The following NBEAL1 variants were observed in gnomAD, a reference collection of about 807,000 sequenced individuals.
NBEAL1 encodes the protein neurobeachin-like protein 1.
A neutral mutation model predicts 351.3 loss-of-function variants in NBEAL1; 273 were observed. That is an observed-to-expected ratio of 0.78 (90% CI 0.70 to 0.86). The LOEUF is 0.86. Among genes scored for constraint, NBEAL1 ranks in the 40% least tolerant of loss-of-function variants. The probability of loss-of-function intolerance (pLI) is 0.00; values close to 1 mark genes in which losing one functional copy is unlikely to be tolerated. For missense variants in NBEAL1, 2,961 were observed against 3,201.3 expected, an observed-to-expected ratio of 0.92 and a Z score of 1.81; for synonymous variants, 1,050 against 1,086.4, an observed-to-expected ratio of 0.97 and a Z score of 0.66.
intron 35 of NBEAL1, 77 bp downstream of exon 35, chr2:203,151,666 GT>G: frequency 7.5e-7 from 1 of 1,336,776 alleles, no homozygotes; most frequent in Non-Finnish European, 9.9e-7. Context: ...TTATTTTATT[GT>G]TTTAAATGTG....
chr2:203,078,681 G>C (rs893255535), intron 8 of NBEAL1, among the ~76,000 whole-genome samples: 2 of 152,110 alleles, frequency 1.3e-5, no homozygotes, highest in African/African-American at 4.8e-5. Flanking sequence ...TTGACGAAAG[G>C]ATTATAGTTC....
chr2:203,076,741 G>A lies in NBEAL1; in HGVS notation c.599-1011G>A, dbSNP rs987635997. On this transcript the variant is annotated intron_variant, in intron 7 of 55. Transcript: ENST00000683969. ...CGAGTAGCTGGGATTACAGGTGCCC[G>A]CCACCACACCTGGCTAATTTTTGCA... Among the ~76,000 whole-genome samples, 10 of 151,642 alleles carry A rather than the reference G, an allele frequency of 6.6e-5. No individual in the cohort carries two copies. The South Asian group carries it at 1.5e-3, about 22-fold the overall frequency.
chr2:203,194,788 T>C (rs2065189198), intron 47 of NBEAL1, among the ~76,000 whole-genome samples: 1 of 152,224 alleles, frequency 6.6e-6, no homozygotes, highest in African/African-American at 2.4e-5. Flanking sequence ...TGTAAAACCC[T>C]GCATTGCAAT....
In NBEAL1 at chr2:203,219,000, G is replaced by A. The variant is rs2105866132; in HGVS notation, c.*1646G>A. 6.6e-6 allele frequency: 1 copy of A among 152,270 alleles called. No homozygotes were observed. Among genetic ancestry groups the A allele is most frequent in the Admixed American group, 6.5e-5 (1 of 15,276 alleles). The allele number at this position is 152,270 out of a possible 1,614,324, so 9.4% of individuals were successfully genotyped here. On this transcript the variant is annotated 3_prime_UTR_variant, in exon 56 of 56. Transcript: ENST00000683969. ...TCTTTTCTTAAGACTTCAGGAATTTGTATTGAACAAAGTCTCAAGTTAAGT... is the reference window on the plus strand; with the variant it reads ...TCTTTTCTTAAGACTTCAGGAATTTATATTGAACAAAGTCTCAAGTTAAGT...
intron 31 of NBEAL1, 48 bp downstream of exon 31, chr2:203,138,796 G>A (rs369973153): frequency 6.6e-7 from 1 of 1,524,256 alleles, no homozygotes; most frequent in Non-Finnish European, 8.8e-7. Flanking sequence ...TGCAGCATAG[G>A]TATTATTTAT....
intron 39 of NBEAL1, among the ~76,000 whole-genome samples, chr2:203,171,118 C>T (rs914702167): frequency 2.6e-5 from 4 of 151,936 alleles, no homozygotes; most frequent in Middle Eastern, 3.4e-3. Flanking sequence ...ATTAGCTGGG[C>T]ATGGTGGTGG....
chr2:203,205,124 A>G (rs773942324), intron 51 of NBEAL1, among the ~76,000 whole-genome samples: 73 of 152,154 alleles, frequency 4.8e-4, no homozygotes, highest in Non-Finnish European at 9.3e-4. Context: ...GTTTGCTGTT[A>G]GGTTTCACTA....
intron 8 of NBEAL1, among the ~76,000 whole-genome samples, chr2:203,082,126 A>G (rs778928339): frequency 6.6e-6 from 1 of 152,182 alleles, no homozygotes; most frequent in Non-Finnish European, 1.5e-5. Context: ...TGAAAAGCTG[A>G]CACTCCCTGT....
intron 2 of NBEAL1, among the ~76,000 whole-genome samples, chr2:203,029,807 T>C (rs1038751172): frequency 1.3e-5 from 2 of 152,246 alleles, no homozygotes; most frequent in African/African-American, 4.8e-5. Flanking sequence ...ATTACAATAT[T>C]ACTACTTTTG....
At chr2:203,016,748 T>C (rs1323550037) in intron 2 of NBEAL1, among the ~76,000 whole-genome samples, 1 of 152,228 alleles carries the variant, frequency 6.6e-6, no homozygotes, top group Non-Finnish European at 1.5e-5. Flanking sequence ...GTTTGTGCTT[T>C]TCATTTTCTC....
Position 203,099,651 on chromosome 2 carries a change from GT to G in NBEAL1, c.1211del (p.Leu404TrpfsTer9). On this transcript the variant is annotated frameshift_variant, in exon 12 of 56. Coordinates refer to ENST00000683969, the MANE Select transcript of NBEAL1 (RefSeq NM_001378026.1). LOFTEE classifies it high-confidence loss of function. ...EDQVFQGQLDCLAISTIQALT... is the reference protein window; with the variant it reads ...EDQVFQGQLDXLAISTIQALT... ...TAGGTGTTTCAGGGACAATTGGATT[GT>G]TTGGCCATATCAACCATTCAGGCTT... is the stretch of plus-strand genomic sequence containing the variant. The G allele has an allele frequency of 1.3e-6, 2 of 1,550,702 alleles. No individual in the cohort carries two copies. Among genetic ancestry groups the G allele is most frequent in the Non-Finnish European group, 1.7e-6 (2 of 1,146,544 alleles).
chr2:203,032,302 G>A (rs1379390217), intron 2 of NBEAL1, among the ~76,000 whole-genome samples: 3 of 152,148 alleles, frequency 2.0e-5, no homozygotes, highest in African/African-American at 7.2e-5. Flanking sequence ...GTTGGTTTAA[G>A]TTGCTAAATT....
At chr2:203,038,384 C>G (rs1045105167) in intron 2 of NBEAL1, among the ~76,000 whole-genome samples, 18 of 148,976 alleles carry the variant, frequency 1.2e-4, no homozygotes, top group African/African-American at 4.4e-4. Context: ...AGTTTTTCTA[C>G]TTTTAGCCAT....
chr2:203,090,501 GT>G (rs2062042645), intron 10 of NBEAL1, among the ~76,000 whole-genome samples: 1 of 152,004 alleles, frequency 6.6e-6, no homozygotes. Flanking sequence ...TTATGAAAAT[GT>G]TACTTCTTAT....
chr2:203,122,999 T>A (rs904461999), intron 19 of NBEAL1, among the ~76,000 whole-genome samples: 1 of 152,122 alleles, frequency 6.6e-6, no homozygotes, highest in African/African-American at 2.4e-5. Context: ...TTAAATATAG[T>A]GTTTCCTTAA....
intron 7 of NBEAL1, among the ~76,000 whole-genome samples, chr2:203,076,844 G>A (rs56909320): frequency 3.3e-5 from 5 of 151,280 alleles, no homozygotes; most frequent in Non-Finnish European, 5.9e-5. Flanking sequence ...CGCCTGCCTC[G>A]GCCTCCCAAA....
At chr2:203,050,983 C>CT in intron 4 of NBEAL1, among the ~76,000 whole-genome samples, 1 of 152,216 alleles carries the variant, frequency 6.6e-6, no homozygotes, top group East Asian at 1.9e-4. Context: ...AATCTATTTT[C>CT]TTTTTGGAAG....
At chr2:203,074,346 A>G (rs1458967769) in intron 7 of NBEAL1, among the ~76,000 whole-genome samples, 1 of 89,830 alleles carries the variant, frequency 1.1e-5, no homozygotes, top group Admixed American at 1.7e-4. Context: ...TTTTTTTGAC[A>G]TGGGGTCTTA....
intron 6 of NBEAL1, among the ~76,000 whole-genome samples, chr2:203,065,306 T>TA (rs2061563940): frequency 6.6e-6 from 1 of 152,150 alleles, no homozygotes; most frequent in Non-Finnish European, 1.5e-5. Context: ...TGAACTTGGG[T>TA]AAACTCTATT....
Sources: allele counts gnomAD v4.1 joint callset (sites outside exome capture counted in the v4.1 genomes callset), GRCh38; gene constraint gnomAD v4.1.1; transcripts MANE v1.5; gene names NCBI Gene and HGNC (gene_info 2026-07-23, HGNC 2026-07-21).